ENAH: variants seen among roughly 807,000 people sequenced by gnomAD.
ENAH encodes ENAH actin regulator, also known as protein enabled homolog.
ENAH carries 23 observed loss-of-function variants against 78.7 expected under a neutral mutation model. The ratio of observed to expected loss-of-function variants is 0.29; its 90% CI spans 0.21 to 0.41. ENAH has a LOEUF of 0.41. ENAH is among the 10% of genes least tolerant of loss of function. ENAH has a pLI of 1.00. For synonymous variants in ENAH, 226 were observed against 241.0 expected (o/e 0.94, Z 0.58); for missense variants, 544 against 691.0 (o/e 0.79, Z 2.39).
At chr1:225,570,936 C>T (rs1259750123) in intron 1 of ENAH, among the ~76,000 whole-genome samples, 1 of 152,050 alleles carries the variant, frequency 6.6e-6, no homozygotes, top group Non-Finnish European at 1.5e-5. Context: ...ACACTCCAGC[C>T]TAGGCAAGAA....
In ENAH at chr1:225,494,181, G is replaced by A. The variant is rs1397653897; in HGVS notation, c.*3594C>T. 1 of 151,734 alleles carries A rather than the reference G, an allele frequency of 6.6e-6. No homozygotes were observed. The highest frequency in any genetic ancestry group is 1.5e-5 in the Non-Finnish European group (1 of 67,936). 9.4% of individuals were successfully genotyped at this position (151,734 alleles called of 1,614,324 possible). On this transcript the variant is annotated 3_prime_UTR_variant, in exon 14 of 14. Coordinates refer to ENST00000366843, the MANE Select transcript of ENAH (RefSeq NM_018212.6). ...CGAGAAGTGGAGAGGAGAATGGAGG[G>A]GGGAAGGGGAAAATTTGGGTCTGGT...
chr1:225,565,442 TA>T (rs11286134), intron 2 of ENAH, among the ~76,000 whole-genome samples: 135,104 of 149,674 alleles, frequency 0.9, 61,048 homozygotes, highest in Middle Eastern at 0.95. Flanking sequence ...TCTCAAATAA[TA>T]AAAAAAAAAA....
At chr1:225,498,108 C>T (rs1029713543) in intron 13 of ENAH, among the ~76,000 whole-genome samples, 1 of 152,106 alleles carries the variant, frequency 6.6e-6, no homozygotes, top group African/African-American at 2.4e-5. Flanking sequence ...ATGTGGTTTT[C>T]CATCTAAGAA....
chr1:225,652,438 G>A (rs1016213881), intron 1 of ENAH: 1 of 983,174 alleles, frequency 1.0e-6, no homozygotes. Context: ...GAAATCCTGG[G>A]TGAAAGAAGA....
At chr1:225,632,299 G>C (rs1186086470) in intron 1 of ENAH, among the ~76,000 whole-genome samples, 3 of 152,144 alleles carry the variant, frequency 2.0e-5, no homozygotes, top group African/African-American at 7.2e-5. Context: ...AGGAATTCAA[G>C]ACCAGCCTGG....
chr1:225,580,540 C>T (rs1358091432), intron 1 of ENAH, among the ~76,000 whole-genome samples: 1 of 152,094 alleles, frequency 6.6e-6, no homozygotes, highest in African/African-American at 2.4e-5. Flanking sequence ...ACGTTTTAAG[C>T]CACTAAAACT....
chr1:225,520,218 C>G (rs1558747099), intron 4 of ENAH, among the ~76,000 whole-genome samples: 2 of 151,708 alleles, frequency 1.3e-5, no homozygotes, highest in African/African-American at 4.9e-5. Flanking sequence ...TCGCTTGAAC[C>G]TGGGAGGCAG....
At position 225,494,052 on chromosome 1, in the gene ENAH, GAC is replaced by G. The variant is rs2096236656; in HGVS notation, c.*3721_*3722del. ...CATATGAAGAGAAGCAAGAACATGAGACAGGCTAGAGCAAAAAAAAAAAAAAA... is the reference window on the plus strand; with the variant it reads ...CATATGAAGAGAAGCAAGAACATGAGAGGCTAGAGCAAAAAAAAAAAAAAA... On this transcript the variant is annotated 3_prime_UTR_variant, in exon 14 of 14. Transcript: ENST00000366843. 2 of 107,882 alleles carry G rather than the reference GAC, an allele frequency of 1.9e-5. No homozygotes were observed. Among genetic ancestry groups the G allele is most frequent in the Non-Finnish European group, 3.6e-5 (2 of 55,434 alleles). The allele number at this position is 107,882 out of a possible 1,614,324, so 6.7% of individuals were successfully genotyped here.
intron 11 of ENAH, among the ~76,000 whole-genome samples, chr1:225,503,504 G>A (rs1019401876): frequency 1.3e-5 from 2 of 151,878 alleles, no homozygotes; most frequent in Non-Finnish European, 2.9e-5. Context: ...TCAAACTCCT[G>A]GACTCAAGTG....
chr1:225,501,217 G>A, intron 11 of ENAH, 147 bp from the exon 12 acceptor site: 2 of 562,224 alleles, frequency 3.6e-6, no homozygotes, highest in South Asian at 3.2e-5. Context: ...CAAAATTGTA[G>A]GGCTGATTAG....
rs1017419612 is a variant in ENAH, at chr1:225,580,575, A to C, written c.6-13161T>G. Among the ~76,000 whole-genome samples the C allele has an allele frequency of 7.9e-5, 12 of 152,272 alleles. No homozygotes were observed. In the East Asian group the frequency reaches 2.3e-3, roughly 29 times the overall value. On this transcript the variant is annotated intron_variant, in intron 1 of 13. Coordinates refer to ENST00000366843, the MANE Select transcript of ENAH (RefSeq NM_018212.6). ...TTTGTGTAATTTATTGTGTGGCTAT[A>C]AGTAACACACTACCCCTTCACTCCC...
At chr1:225,513,734 G>A (rs1015139139) in intron 7 of ENAH, among the ~76,000 whole-genome samples, 11 of 152,022 alleles carry the variant, frequency 7.2e-5, no homozygotes, top group African/African-American at 2.7e-4. Context: ...GCTCACACCT[G>A]TAATCCCGGC....
intron 1 of ENAH, among the ~76,000 whole-genome samples, chr1:225,644,927 G>A (rs1215379108): frequency 6.6e-6 from 1 of 152,118 alleles, no homozygotes; most frequent in Non-Finnish European, 1.5e-5. Flanking sequence ...AGATTCTGAT[G>A]GATTTGCTTC....
chr1:225,537,780 C>T (rs962317824), intron 3 of ENAH, among the ~76,000 whole-genome samples: 1 of 151,542 alleles, frequency 6.6e-6, no homozygotes, highest in Non-Finnish European at 1.5e-5. Flanking sequence ...AAACAGCCAT[C>T]CTTCAGGCTT....
At chr1:225,632,695 T>C (rs1377090480) in intron 1 of ENAH, among the ~76,000 whole-genome samples, 2 of 152,256 alleles carry the variant, frequency 1.3e-5, no homozygotes, top group Non-Finnish European at 2.9e-5. Flanking sequence ...ATATAATGCA[T>C]GTAAAGGCTG....
chr1:225,514,988 A>C, intron 6 of ENAH, 88 bp from the exon 7 acceptor site: 1 of 1,057,606 alleles, frequency 9.5e-7, no homozygotes, highest in Non-Finnish European at 1.4e-6. Flanking sequence ...ATGCCATGCT[A>C]AATTAAACTG....
At chr1:225,534,524 C>A (rs1264549668) in intron 3 of ENAH, among the ~76,000 whole-genome samples, 1 of 151,762 alleles carries the variant, frequency 6.6e-6, no homozygotes, top group Non-Finnish European at 1.5e-5. Flanking sequence ...AAAACAGTAT[C>A]ATTAGTATTG....
chr1:225,643,805 C>T (rs1043527752), intron 1 of ENAH, among the ~76,000 whole-genome samples: 4 of 151,974 alleles, frequency 2.6e-5, no homozygotes, highest in Non-Finnish European at 4.4e-5. Context: ...GGTGTGGTGG[C>T]GCACATCTGT....
intron 3 of ENAH, among the ~76,000 whole-genome samples, chr1:225,537,456 G>A (rs531626223): frequency 6.6e-6 from 1 of 152,238 alleles, no homozygotes; most frequent in East Asian, 1.9e-4. Context: ...TTCTACTGCA[G>A]TTTGCATTTC....
Sources: allele counts gnomAD v4.1 joint callset (sites outside exome capture counted in the v4.1 genomes callset), GRCh38; gene constraint gnomAD v4.1.1; transcripts MANE v1.5; gene names NCBI Gene and HGNC (gene_info 2026-07-23, HGNC 2026-07-21).